PCLO: variants seen among roughly 807,000 people sequenced by gnomAD.
The protein encoded by PCLO is protein piccolo.
Under a neutral mutation model 427.5 loss-of-function variants are expected in PCLO, and 82 were observed. The observed-to-expected ratio is 0.19, with a 90% CI of 0.16 to 0.23. The LOEUF is 0.23. Ranked by LOEUF, PCLO falls within the 10% of genes least tolerant of loss-of-function variation. PCLO has a pLI of 1.00. For missense variants in PCLO, 6,239 were observed against 6,115.9 expected, an observed-to-expected ratio of 1.02 and a Z score of -0.67; for synonymous variants, 2,357 against 2,155.4, an observed-to-expected ratio of 1.09 and a Z score of -2.59.
Position 82,951,478 on chromosome 7 carries a change from T to G in PCLO, c.9110A>C (p.Asp3037Ala). The G allele has an allele frequency of 6.4e-7, 1 of 1,567,014 alleles. No homozygotes were observed. Among genetic ancestry groups the G allele is most frequent in the African/African-American group, 1.3e-5 (1 of 74,118 alleles). The change falls in exon 6 of 25, where the codon GAT becomes GCT. Residue 3037 changes from aspartate (D) to alanine (A), a missense_variant. Asp to Ala is a moderately radical substitution (Grantham distance 126, BLOSUM62 -2). Around this residue, in one of 5 missense-constraint regions of PCLO, gnomAD observed 4,677 missense variants for 4,468.4 expected, o/e 1.05. Transcript: ENST00000333891. Reference protein sequence around the residue: ...SGRVTTGEVMDYSSKTTGPYP... With the variant: ...SGRVTTGEVMAYSSKTTGPYP... ...TGGACCTGTAGTCTTGCTTGAATAA[T>G]CCATTACCTCACCTGAAATACAGGG...
intron 3 of PCLO, among the ~76,000 whole-genome samples, chr7:83,093,492 A>ATATATATATTT: frequency 1.7e-5 from 1 of 59,320 alleles, no homozygotes; most frequent in African/African-American, 5.4e-5. Flanking sequence ...ATATATATAT[A>ATATATATATTT]TTTTTTTTTT....
intron 20 of PCLO, among the ~76,000 whole-genome samples, chr7:82,806,263 C>A (rs1562794606): frequency 1.3e-5 from 2 of 152,040 alleles, no homozygotes; most frequent in Non-Finnish European, 2.9e-5. Context: ...TTTCCTATTA[C>A]TAGACTATAA....
Position 82,965,899 on chromosome 7 carries a change from C to A in PCLO, c.3889G>T (p.Gly1297Cys). Residue 1297 changes from glycine to cysteine, a missense_variant, in exon 4 of 25, where the codon GGT becomes TGT. Physicochemically the swap from Gly to Cys is radical, Grantham distance 159. Coordinates refer to ENST00000333891, the MANE Select transcript of PCLO (RefSeq NM_033026.6). ...CTCTGAGGTGTGCCAGATGGTAAAC[C>A]TTCCATCTTGGTCTGTGGTTGTTTC... ...EGKQPQTKME[G>C]LPSGTPQSLP... is the part of the protein sequence containing the mutation. The A allele has an allele frequency of 6.2e-7, 1 of 1,613,696 alleles. No individual in the cohort carries two copies. Among genetic ancestry groups the A allele is most frequent in the Non-Finnish European group, 8.5e-7 (1 of 1,179,680 alleles).
In PCLO at chr7:82,869,015, G is replaced by A. The variant is rs180708726; in HGVS notation, c.13654+10322C>T. Reference sequence around the variant, plus strand: ...ATTGCTGAAGTTTTAAAAGTATCACGATGGTAATGTATTTCACAATTATGT... The same window carrying A: ...ATTGCTGAAGTTTTAAAAGTATCACAATGGTAATGTATTTCACAATTATGT... On this transcript the variant is annotated intron_variant, in intron 10 of 24. Transcript: ENST00000333891. Among the ~76,000 whole-genome samples the A allele has an allele frequency of 9.3e-4, 141 of 152,104 alleles. 1 individual carries two copies. The highest frequency in any genetic ancestry group is 4.7e-3 in the Admixed American group (72 of 15,240).
Position 83,083,934 on chromosome 7 carries a change from T to G in PCLO, c.3300+50316A>C, listed in dbSNP as rs12707542. On this transcript the variant is annotated intron_variant, in intron 3 of 24. Coordinates refer to ENST00000333891, the MANE Select transcript of PCLO (RefSeq NM_033026.6). ...GAGTGAATATAATTTTTAAAACTTT[T>G]TCTGAGAACAAGTTGTGAAGAGACT... Among the ~76,000 whole-genome samples the G allele has an allele frequency of 9.5e-4, 145 of 152,046 alleles. 1 individual carries two copies. Among genetic ancestry groups the G allele is most frequent in the African/African-American group, 3.1e-3 (128 of 41,506 alleles).
chr7:83,107,753 G>A (rs1790897060), intron 3 of PCLO, among the ~76,000 whole-genome samples: 1 of 149,434 alleles, frequency 6.7e-6, no homozygotes, highest in Non-Finnish European at 1.5e-5. Flanking sequence ...CACTTTGGGA[G>A]GCCAAGGGGG....
rs778309760 is a variant in PCLO at position 82,953,060 on chromosome 7, A to G, written c.7893T>C (p.Ile2631=). 13 of 1,613,856 alleles carry G rather than the reference A, an allele frequency of 8.1e-6. No homozygotes were observed. The highest frequency in any genetic ancestry group is 1.1e-5 in the Non-Finnish European group (13 of 1,179,876). The change falls in exon 5 of 25, where the codon ATT becomes ATC. Residue 2631 remains isoleucine, a synonymous_variant. Transcript: ENST00000333891. The part of the protein sequence containing the change: ...SVVPPVTAVE[I]PISSEQTFYI... ...AGAAGGTCTGTTCTGAAGAAATTGG[A>G]ATTTCTACAGCTGTCACAGGAGGAA...
At position 82,951,058 on chromosome 7, in the gene PCLO, G is replaced by C. The variant is rs146735127; in HGVS notation, c.9530C>G (p.Thr3177Arg). The change falls in exon 6 of 25, where the codon ACG becomes AGG. Residue 3177 changes from threonine (T) to arginine (R), a missense_variant. Thr to Arg is a moderately conservative substitution (Grantham distance 71). Coordinates refer to ENST00000333891, the MANE Select transcript of PCLO (RefSeq NM_033026.6). ...GGTTAAAGTGGGAACAGAGTCTATC[G>C]TCTCAGCAGTAAGAGACTCCATAGT... The part of the protein sequence containing the change: ...TITMESLTAE[T>R]IDSVPTLTTA... The C allele has an allele frequency of 5.6e-6, 9 of 1,613,698 alleles. No homozygotes were observed. The highest frequency in any genetic ancestry group is 7.6e-6 in the Non-Finnish European group (9 of 1,179,804).
chr7:82,971,418 G>A (rs914498366), intron 3 of PCLO, among the ~76,000 whole-genome samples: 43 of 150,568 alleles, frequency 2.9e-4, no homozygotes, highest in Middle Eastern at 3.5e-3. Flanking sequence ...ATGTGTGTGT[G>A]TATATATATG....
chr7:82,950,243 C>T lies in PCLO; in HGVS notation c.10345G>A (p.Asp3449Asn), dbSNP rs1263883799. ...KIVDSGVQTD[D>N]EDATDRSYVS... Reference sequence around the variant, plus strand: ...TAGCTCCGATCTGTGGCATCTTCGTCATCCGTTTGTACACCACTGTCCACT... The same window carrying T: ...TAGCTCCGATCTGTGGCATCTTCGTTATCCGTTTGTACACCACTGTCCACT... Residue 3449 changes from aspartate to asparagine, a missense_variant, in exon 6 of 25, where the codon GAC becomes AAC. By Grantham distance (23) the Asp-to-Asn change is conservative. Coordinates refer to ENST00000333891, the MANE Select transcript of PCLO (RefSeq NM_033026.6). The T allele has an allele frequency of 1.9e-6, 3 of 1,613,010 alleles. No individual in the cohort carries two copies. The highest frequency in any genetic ancestry group is 1.3e-5 in the African/African-American group (1 of 74,596).
At chr7:83,125,309 G>T (rs911589183) in intron 3 of PCLO, among the ~76,000 whole-genome samples, 2 of 152,034 alleles carry the variant, frequency 1.3e-5, no homozygotes, top group Admixed American at 6.6e-5. Flanking sequence ...TCTGGAAGGT[G>T]GGGGGCACCC....
At chr7:82,982,247 T>C (rs1174505934) in intron 3 of PCLO, among the ~76,000 whole-genome samples, 2 of 152,252 alleles carry the variant, frequency 1.3e-5, no homozygotes, top group South Asian at 2.1e-4. Context: ...ATTGTCTCAC[T>C]ATATTTATAA....
intron 21 of PCLO, 60 bp from the exon 22 acceptor site, chr7:82,801,651 C>T (rs1327076535): frequency 4.1e-6 from 4 of 982,972 alleles, no homozygotes; most frequent in Non-Finnish European, 6.3e-6. Context: ...GCAAAAGAGG[C>T]TAAATTTGCA....
intron 3 of PCLO, chr7:83,018,009 G>A (rs561021898): frequency 2.0e-5 from 3 of 151,988 alleles, no homozygotes; most frequent in South Asian, 2.1e-4. Context: ...GGTGCTGTAG[G>A]CTTGAAACAA....
At chr7:82,936,927 T>C (rs2116363556) in intron 6 of PCLO, among the ~76,000 whole-genome samples, 1 of 151,888 alleles carries the variant, frequency 6.6e-6, no homozygotes, top group African/African-American at 2.4e-5. Flanking sequence ...AATCCATTTG[T>C]ATTTATCTAG....
At position 82,956,011 on chromosome 7, in the gene PCLO, T is replaced by C. The variant is rs772549898; in HGVS notation, c.4942A>G (p.Thr1648Ala). 2 of 1,613,304 alleles carry C rather than the reference T, an allele frequency of 1.2e-6. No homozygotes were observed. Among genetic ancestry groups the C allele is most frequent in the East Asian group, 2.2e-5 (1 of 44,882 alleles). The change falls in exon 5 of 25, where the codon ACT (threonine) becomes GCT (alanine). Residue 1648 changes from threonine to alanine, a missense_variant. By Grantham distance (58) the Thr-to-Ala change is moderately conservative. Transcript: ENST00000333891. ...DESPELKYRE[T>A]KSQESEELVV... ...AGTTCTTCACTTTCCTGACTTTTAG[T>C]TTCTCTGTATTTAAGTTCAGGACTT...
At chr7:83,042,659 G>A (rs144320565) in intron 3 of PCLO, among the ~76,000 whole-genome samples, 84 of 152,184 alleles carry the variant, frequency 5.5e-4, no homozygotes, top group African/African-American at 1.7e-3. Context: ...TCAGGAGTTC[G>A]ACACCAGCCT....
intron 22 of PCLO, among the ~76,000 whole-genome samples, chr7:82,793,967 C>T (rs1347325553): frequency 6.6e-6 from 1 of 152,176 alleles, no homozygotes; most frequent in Non-Finnish European, 1.5e-5. Flanking sequence ...TTTCCTTTTA[C>T]CCTTACACTT....
rs1445704285 is a variant in PCLO, at chr7:82,939,625, A to G, written c.11112+9851T>C. Among the ~76,000 whole-genome samples, 3 of 150,072 alleles carry G rather than the reference A, an allele frequency of 2.0e-5. No homozygotes were observed. In the East Asian group the frequency reaches 5.8e-4, roughly 29 times the overall value. On this transcript the variant is annotated intron_variant, in intron 6 of 24. Coordinates refer to ENST00000333891, the MANE Select transcript of PCLO (RefSeq NM_033026.6). ...TATTTCTTTTTCCCACTGGAAATATAAATATAGATTTTCCACTGGAAATAT... is the reference window on the plus strand; with the variant it reads ...TATTTCTTTTTCCCACTGGAAATATGAATATAGATTTTCCACTGGAAATAT...
Sources: gnomAD v4.1 joint callset for allele counts (sites outside exome capture counted in the v4.1 genomes callset) on GRCh38, gnomAD v4.1.1 for gene constraint, gnomAD v4.1.1 regional missense constraint, MANE v1.5 for transcripts, NCBI Gene and HGNC (gene_info 2026-07-23, HGNC 2026-07-21) for gene names.